SCLT1: variants seen among roughly 807,000 people sequenced by gnomAD.
The protein encoded by SCLT1 is sodium channel and clathrin linker 1, also known as sodium channel-associated protein 1.
A neutral mutation model predicts 112.8 loss-of-function variants in SCLT1; 78 were observed. That is an observed-to-expected ratio of 0.69 (90% CI 0.58 to 0.83). The LOEUF (loss-of-function observed/expected upper bound fraction) is 0.83, where lower values mean the gene tolerates loss of function less well. SCLT1 is among the 40% of genes least tolerant of loss of function. The pLI is 0.00. For missense variants in SCLT1, 747 were observed against 770.4 expected (o/e 0.97, Z 0.36); for synonymous variants, 257 against 254.7 (o/e 1.01, Z -0.09).
chr4:129,043,002 G>A (rs1388905682), intron 4 of SCLT1, among the ~76,000 whole-genome samples: 3 of 152,048 alleles, frequency 2.0e-5, no homozygotes, highest in African/African-American at 4.8e-5. Context: ...GAACCAGGGA[G>A]TCAGAGGTTG....
intron 5 of SCLT1, among the ~76,000 whole-genome samples, chr4:129,020,229 C>G (rs1227064332): frequency 1.3e-5 from 2 of 152,324 alleles, no homozygotes; most frequent in African/African-American, 4.8e-5. Flanking sequence ...TTTACCCACT[C>G]ATTTAAGCCT....
At chr4:129,000,222 A>G (rs909393790) in intron 6 of SCLT1, among the ~76,000 whole-genome samples, 4 of 151,950 alleles carry the variant, frequency 2.6e-5, no homozygotes, top group African/African-American at 9.7e-5. Context: ...ACAGGAGAAA[A>G]TCAGAATCAC....
At chr4:128,881,881 C>A (rs1300081771), downstream of SCLT1, among the ~76,000 whole-genome samples, 1 of 152,138 alleles carries the variant, frequency 6.6e-6, no homozygotes, top group South Asian at 2.1e-4. Context: ...TCAAATTCAA[C>A]AGAGGTCAGA....
At chr4:128,976,492 C>T (rs1390503361) in intron 9 of SCLT1, among the ~76,000 whole-genome samples, 2 of 152,120 alleles carry the variant, frequency 1.3e-5, no homozygotes, top group Admixed American at 6.5e-5. Flanking sequence ...AACATGTTTA[C>T]TTCATGCCTG....
intron 9 of SCLT1, among the ~76,000 whole-genome samples, chr4:128,988,687 G>C (rs1560932778): frequency 6.6e-6 from 1 of 151,720 alleles, no homozygotes; most frequent in Non-Finnish European, 1.5e-5. Context: ...AAAAAGAGTA[G>C]CTGAATGGAT....
chr4:128,965,191 G>A (rs1309184780), intron 11 of SCLT1, 36 bp downstream of exon 11: 5 of 1,021,528 alleles, frequency 4.9e-6, no homozygotes, highest in Non-Finnish European at 7.6e-6. Flanking sequence ...ATCTTTTAAA[G>A]CATATCAACA....
At chr4:128,965,441 G>C (rs1196531380) in intron 10 of SCLT1, 123 bp from the exon 11 acceptor site, 2 of 657,612 alleles carry the variant, frequency 3.0e-6, no homozygotes, top group East Asian at 5.7e-5. Context: ...TAACACTTAC[G>C]TTAAAAGAAA....
rs193125248 is a variant in SCLT1 at position 129,046,065 on chromosome 4, C to T, written c.103-2014G>A. Among the ~76,000 whole-genome samples the T allele has an allele frequency of 2.3e-3, 356 of 152,180 alleles. 1 individual carries two copies. Among genetic ancestry groups the T allele is most frequent in the Non-Finnish European group, 4.0e-3 (273 of 67,940 alleles). ...ATACTGTTTTTATTCAAGTACTACA[C>T]ACATACAGAAGACAGTACAAATTAT... On this transcript the variant is annotated intron_variant, in intron 2 of 20. Transcript: ENST00000281142.
At chr4:129,068,158 A>T (rs1397237058) in intron 2 of SCLT1, among the ~76,000 whole-genome samples, 1 of 152,180 alleles carries the variant, frequency 6.6e-6, no homozygotes, top group Admixed American at 6.5e-5. Context: ...GTTGCTGCAA[A>T]TGCCATTAAT....
At chr4:128,970,800 C>G (rs150638291) in intron 9 of SCLT1, 1 of 195,476 alleles carries the variant, frequency 5.1e-6, no homozygotes, top group African/African-American at 2.4e-5. Flanking sequence ...AGCTCCAGTG[C>G]ACTAAGAAGA....
chr4:128,878,388 G>T (rs2125915040), intron 3 of SCLT1, among the ~76,000 whole-genome samples: 1 of 152,240 alleles, frequency 6.6e-6, no homozygotes, highest in Non-Finnish European at 1.5e-5. Context: ...TCAGGATTAT[G>T]ACCAGTGTAA....
rs567422298 is a variant in SCLT1 at position 129,055,228 on chromosome 4, C to T, written c.103-11177G>A. 4.6e-5 allele frequency among the ~76,000 whole-genome samples: 7 copies of T among 152,316 alleles called. No individual in the cohort carries two copies. In the South Asian group the frequency reaches 1.4e-3, roughly 32 times the overall value. On this transcript the variant is annotated intron_variant, in intron 2 of 20. Transcript: ENST00000281142. ...CCCTTGTTGGGAGATCTTTCCCAGT[C>T]AGGAGGCATGGGGGTTAGGGACTCA...
At chr4:128,978,859 T>C (rs923457974) in intron 9 of SCLT1, among the ~76,000 whole-genome samples, 2 of 152,066 alleles carry the variant, frequency 1.3e-5, no homozygotes, top group African/African-American at 4.8e-5. Flanking sequence ...GAATTTGGGA[T>C]TGTACAGTTG....
At chr4:128,957,338 C>T (rs1443160539) in intron 12 of SCLT1, among the ~76,000 whole-genome samples, 1 of 152,122 alleles carries the variant, frequency 6.6e-6, no homozygotes, top group Non-Finnish European at 1.5e-5. Flanking sequence ...GTATTTATTT[C>T]AGCCAGTGTT....
chr4:129,012,780 C>A (rs1428822653), intron 5 of SCLT1, among the ~76,000 whole-genome samples: 1 of 90,580 alleles, frequency 1.1e-5, no homozygotes, highest in Non-Finnish European at 2.9e-5. Context: ...TTATGTAATG[C>A]CATTTCTTTT....
intron 5 of SCLT1, among the ~76,000 whole-genome samples, chr4:129,018,793 C>T (rs1057065233): frequency 4.6e-5 from 7 of 152,008 alleles, no homozygotes; most frequent in African/African-American, 1.7e-4. Flanking sequence ...AACTCTCAAT[C>T]AACAGACCAA....
At chr4:128,902,935 T>C (rs1734433405) in intron 18 of SCLT1, among the ~76,000 whole-genome samples, 1 of 152,182 alleles carries the variant, frequency 6.6e-6, no homozygotes, top group African/African-American at 2.4e-5. Context: ...AATATCAGTG[T>C]CTTCCACCTG....
At position 129,092,847 on chromosome 4, in the gene SCLT1, C is replaced by T. The variant is rs1392695018; in HGVS notation, c.34+223G>A. ...AGAGGAGCATAACAAACATGTTTAG[C>T]GTCTAGTAGAATTCTGTGTAAGCTA... On this transcript the variant is annotated intron_variant, in intron 1 of 20. Transcript: ENST00000281142. Among the ~76,000 whole-genome samples the T allele has an allele frequency of 2.0e-5, 3 of 152,194 alleles. No individual in the cohort carries two copies. The East Asian group carries it at 5.8e-4, about 29-fold the overall frequency.
chr4:128,908,004 C>A (rs1172925605), intron 18 of SCLT1, among the ~76,000 whole-genome samples: 1 of 152,020 alleles, frequency 6.6e-6, no homozygotes, highest in Non-Finnish European at 1.5e-5. Context: ...TTGCTTGGAC[C>A]AGTCTGTTAT....
Sources: allele counts gnomAD v4.1 joint callset (sites outside exome capture counted in the v4.1 genomes callset), GRCh38; gene constraint gnomAD v4.1.1; transcripts MANE v1.5; gene names NCBI Gene and HGNC (gene_info 2026-07-23, HGNC 2026-07-21).